The following WDR33 variants were observed in gnomAD, a reference collection of about 807,000 sequenced individuals.
The protein encoded by WDR33 is WD repeat domain 33, also known as pre-mRNA 3' end processing protein WDR33.
In WDR33, 47 loss-of-function variants were observed where a neutral mutation model predicts 164.9. That is an observed-to-expected ratio of 0.29 (90% CI 0.23 to 0.36). The LOEUF (loss-of-function observed/expected upper bound fraction) is 0.36. Ranked by LOEUF, WDR33 falls within the 10% of genes least tolerant of loss-of-function variation. The pLI, the probability that WDR33 is intolerant of heterozygous loss-of-function variation, is 1.00. For synonymous variants in WDR33, 505 were observed against 589.0 expected (o/e 0.86, Z 2.06); for missense variants, 1,137 against 1,754.1 (o/e 0.65, Z 6.28).
intron 1 of WDR33, among the ~76,000 whole-genome samples, chr2:127,804,277 T>C (rs1340655687): frequency 1.3e-5 from 2 of 151,196 alleles, no homozygotes; most frequent in African/African-American, 2.4e-5. Context: ...GCCAAGATCA[T>C]CCCAGCCTGG....
intron 7 of WDR33, among the ~76,000 whole-genome samples, chr2:127,742,862 A>T (rs1267697240): frequency 1.4e-5 from 2 of 148,022 alleles, no homozygotes; most frequent in African/African-American, 5.0e-5. Context: ...CTCACAGTTA[A>T]AAAAAAAAAA....
At chr2:127,768,161 C>T in intron 4 of WDR33, 28 bp downstream of exon 4, 1 of 1,393,718 alleles carries the variant, frequency 7.2e-7, no homozygotes, top group Non-Finnish European at 9.7e-7. Flanking sequence ...GATTAATTTT[C>T]CCCCAAAATA....
At position 127,720,922 on chromosome 2, in the gene WDR33, A is replaced by G. The variant is rs1258067421; in HGVS notation, c.1672-569T>C. On this transcript the variant is annotated intron_variant, in intron 15 of 21. Transcript: ENST00000322313. This position sits in a 1 kb window ranked among gnomAD's most constrained non-coding sequence, Gnocchi z 5.9. The stretch of plus-strand genomic sequence containing the variant: ...CCCAATAATTCACCACTAATTCATC[A>G]TTCTTGGTAGCTAACATAGATAAGA... Among the ~76,000 whole-genome samples the G allele has an allele frequency of 1.3e-5, 2 of 152,218 alleles. No homozygotes were observed. The highest frequency in any genetic ancestry group is 4.8e-5 in the African/African-American group (2 of 41,462).
intron 7 of WDR33, among the ~76,000 whole-genome samples, chr2:127,740,320 C>A (rs892571211): frequency 6.6e-6 from 1 of 151,892 alleles, no homozygotes; most frequent in African/African-American, 2.4e-5. Context: ...ATAATCCCAG[C>A]ACTTTGGGAG....
chr2:127,718,885 G>A lies in WDR33; in HGVS notation c.2760+380C>T, dbSNP rs932256190. ...ACCAGGCTGCAATGTAAAGGGCCCA[G>A]AAAGGAGGCATGACAGCCTCAGAGC... On this transcript the variant is annotated intron_variant, in intron 16 of 21. Coordinates refer to ENST00000322313, the MANE Select transcript of WDR33 (RefSeq NM_018383.5). The surrounding 1 kb of genome is among the most constrained non-coding windows in gnomAD (Gnocchi z 4.4). Among the ~76,000 whole-genome samples, 2 of 152,220 alleles carry A rather than the reference G, an allele frequency of 1.3e-5. No individual in the cohort carries two copies. The highest frequency in any genetic ancestry group is 2.9e-5 in the Non-Finnish European group (2 of 68,048).
At chr2:127,792,104 A>T (rs1688861457) in intron 1 of WDR33, among the ~76,000 whole-genome samples, 1 of 151,664 alleles carries the variant, frequency 6.6e-6, no homozygotes, top group Non-Finnish European at 1.5e-5. Flanking sequence ...ACGCCCGGCT[A>T]ATTTTTGTAT....
chr2:127,763,253 C>T lies in WDR33; in HGVS notation c.627-94G>A, dbSNP rs1045235052. 1 of 1,581,940 alleles carries T rather than the reference C, an allele frequency of 6.3e-7. No homozygotes were observed. Among genetic ancestry groups the T allele is most frequent in the Non-Finnish European group, 8.6e-7 (1 of 1,162,586 alleles). Reference sequence around the variant, plus strand: ...AGGGAAAAATAAAAACACTGTGCTGCATTATAAACAGGAGAGGGAAGAATC... The same window carrying T: ...AGGGAAAAATAAAAACACTGTGCTGTATTATAAACAGGAGAGGGAAGAATC... On this transcript the variant is annotated intron_variant, in intron 6 of 21. Transcript: ENST00000322313. This position sits in a 1 kb window ranked among gnomAD's most constrained non-coding sequence, Gnocchi z 4.5.
Position 127,714,566 on chromosome 2 carries a change from C to T in WDR33, c.2870-545G>A, listed in dbSNP as rs139761296. On this transcript the variant is annotated intron_variant, in intron 17 of 21. Transcript: ENST00000322313. The surrounding 1 kb of genome is among the most constrained non-coding windows in gnomAD (Gnocchi z 4.3). ...CAATCACCAGCCTCTCAAATACCTG[C>T]CTGATGACCAAACAGCCCTGCTGGG... 2.5e-4 allele frequency among the ~76,000 whole-genome samples: 38 copies of T among 152,344 alleles called. No homozygotes were observed. The highest frequency in any genetic ancestry group is 9.1e-4 in the African/African-American group (38 of 41,576).
chr2:127,810,015 G>C (rs1420865757), intron 1 of WDR33, among the ~76,000 whole-genome samples: 7 of 151,964 alleles, frequency 4.6e-5, no homozygotes, highest in Admixed American at 3.9e-4. Flanking sequence ...GAATTAAGTA[G>C]GTTTACCACT....
chr2:127,762,599 T>C (rs1261304151), intron 7 of WDR33: 4 of 986,956 alleles, frequency 4.1e-6, no homozygotes, highest in Non-Finnish European at 3.6e-6. Context: ...GTAGTACAAA[T>C]GTGGTGTACT....
chr2:127,701,956 C>G lies in WDR33; in HGVS notation c.*4367G>C. 1 of 1,401,146 alleles carries G rather than the reference C, an allele frequency of 7.1e-7. No homozygotes were observed. The highest frequency in any genetic ancestry group is 9.2e-7 in the Non-Finnish European group (1 of 1,084,724). 86.8% of individuals were successfully genotyped at this position (1,401,146 alleles called of 1,614,324 possible). On this transcript the variant is annotated 3_prime_UTR_variant, in exon 22 of 22. Coordinates refer to ENST00000322313, the MANE Select transcript of WDR33 (RefSeq NM_018383.5). Reference sequence around the variant, plus strand: ...CTGCTGCGCTGCGAAGAAGCGCCGTCCCGGCCCGCGCTGCTCTACATGGCA... The same window carrying G: ...CTGCTGCGCTGCGAAGAAGCGCCGTGCCGGCCCGCGCTGCTCTACATGGCA...
At chr2:127,743,834 C>A (rs1004017461) in intron 7 of WDR33, among the ~76,000 whole-genome samples, 2 of 152,130 alleles carry the variant, frequency 1.3e-5, no homozygotes, top group Non-Finnish European at 2.9e-5. Context: ...GAATAACACT[C>A]AATTCCTCAC....
chr2:127,734,780 T>C (rs1558929448), intron 7 of WDR33, among the ~76,000 whole-genome samples: 2 of 152,124 alleles, frequency 1.3e-5, no homozygotes, highest in Non-Finnish European at 2.9e-5. Flanking sequence ...TGGATCAAGA[T>C]TGAAATTAAG....
intron 17 of WDR33, among the ~76,000 whole-genome samples, chr2:127,715,077 T>C (rs1686266435): frequency 1.3e-5 from 2 of 148,902 alleles, no homozygotes; most frequent in Admixed American, 1.3e-4. Context: ...CTTTCTTTTC[T>C]TTCTTTGTTT....
Position 127,701,382 on chromosome 2 carries a change from A to G in WDR33, c.*4941T>C. On this transcript the variant is annotated 3_prime_UTR_variant, in exon 22 of 22. Coordinates refer to ENST00000322313, the MANE Select transcript of WDR33 (RefSeq NM_018383.5). ...ACTTGGGGACACCACAAAAGTCCGC[A>G]GAGCAGGCACCGCGGCACTTCCGCG... is the stretch of plus-strand genomic sequence containing the variant. 1 of 759,220 alleles carries G rather than the reference A, an allele frequency of 1.3e-6. No homozygotes were observed. Among genetic ancestry groups the G allele is most frequent in the Non-Finnish European group, 1.8e-6 (1 of 560,634 alleles). 47.0% of individuals were successfully genotyped at this position (759,220 alleles called of 1,614,324 possible).
intron 4 of WDR33, 106 bp from the exon 5 acceptor site, chr2:127,765,375 TACTG>T (rs1687790795): frequency 2.6e-6 from 2 of 784,020 alleles, no homozygotes; most frequent in African/African-American, 1.7e-5. Flanking sequence ...TAAATAATGA[TACTG>T]ACTTTCACTT....
intron 1 of WDR33, among the ~76,000 whole-genome samples, chr2:127,805,973 TGTG>T (rs1229532403): frequency 1.4e-5 from 2 of 144,608 alleles, no homozygotes; most frequent in African/African-American, 5.2e-5. Context: ...AAACCGCAGG[TGTG>T]GTGGCTCACA....
intron 1 of WDR33, among the ~76,000 whole-genome samples, chr2:127,788,299 AC>A (rs1347102922): frequency 7.7e-4 from 68 of 87,892 alleles, no homozygotes; most frequent in Admixed American, 1.4e-3. Context: ...CGGGGGGCTG[AC>A]CCCCCCACCT....
chr2:127,807,213 C>A (rs1244734853), intron 1 of WDR33, among the ~76,000 whole-genome samples: 2 of 152,130 alleles, frequency 1.3e-5, no homozygotes, highest in Admixed American at 6.5e-5. Flanking sequence ...ACCATGTTGG[C>A]CAGGCTGGTC....
Sources: gnomAD v4.1 joint callset for allele counts (sites outside exome capture counted in the v4.1 genomes callset) on GRCh38, gnomAD v4.1.1 for gene constraint, Gnocchi (gnomAD v3.1) non-coding constraint, MANE v1.5 for transcripts, NCBI Gene and HGNC (gene_info 2026-07-23, HGNC 2026-07-21) for gene names.